SYK: variants seen among roughly 807,000 people sequenced by gnomAD.
SYK encodes the protein tyrosine-protein kinase SYK.
SYK carries 16 observed loss-of-function variants against 77.8 expected under a neutral mutation model. That is an observed-to-expected ratio of 0.21 (90% confidence interval 0.14 to 0.31). SYK has a LOEUF of 0.31. Among genes scored for constraint, SYK ranks in the 10% least tolerant of loss-of-function variants. SYK has a pLI of 1.00. For missense variants in SYK, 529 were observed against 814.4 expected, an observed-to-expected ratio of 0.65 and a Z score of 4.26; for synonymous variants, 312 against 308.7, an observed-to-expected ratio of 1.01 and a Z score of -0.11.
rs1257007691 is a variant in SYK at position 90,865,075 on chromosome 9, A to G, written c.824A>G (p.Gln275Arg). 6.2e-7 allele frequency: 1 copy of G among 1,614,158 alleles called. No homozygotes were observed. Among genetic ancestry groups the G allele is most frequent in the African/African-American group, 1.3e-5 (1 of 75,030 alleles). The part of the protein sequence containing the change: ...QGNVNFGGRP[Q>R]LPGSHPATWS... ...AATGTTAATTTTGGAGGCCGTCCAC[A>G]ACTTCCAGGTTCCCATCCTGCGGTA... Residue 275 changes from glutamine to arginine, a missense_variant, in exon 6 of 14, where the codon CAA (glutamine) becomes CGA (arginine). Physicochemically the swap from Gln to Arg is conservative, Grantham distance 43. Around this residue, in one of 2 missense-constraint regions of SYK, gnomAD observed 321 missense variants for 433.1 expected, o/e 0.74. Transcript: ENST00000375754.
chr9:90,855,689 G>GA (rs1457871853), intron 3 of SYK, among the ~76,000 whole-genome samples: 2 of 138,870 alleles, frequency 1.4e-5, no homozygotes, highest in Admixed American at 7.1e-5. Flanking sequence ...TGTGTGTGTG[G>GA]GTGTGTGTGA....
chr9:90,845,565 G>C lies in SYK; in HGVS notation c.549G>C (p.Leu183=). Residue 183 remains leucine (L), a synonymous_variant, in exon 3 of 14, where the codon CTG becomes CTC. Transcript: ENST00000375754. ...ISREESEQIV[L]IGSKTNGKFL... is the part of the protein sequence containing the mutation. ...GGGAAGAATCTGAGCAAATTGTCCTGATAGGATCAAAGACAAATGGAAAGT... is the reference window on the plus strand; with the variant it reads ...GGGAAGAATCTGAGCAAATTGTCCTCATAGGATCAAAGACAAATGGAAAGT... 6.2e-7 allele frequency: 1 copy of C among 1,614,140 alleles called. No individual in the cohort carries two copies. Among genetic ancestry groups the C allele is most frequent in the Non-Finnish European group, 8.5e-7 (1 of 1,180,002 alleles).
Position 90,862,243 on chromosome 9 carries a change from T to G in SYK, c.616T>G (p.Cys206Gly), listed in dbSNP as rs763405498. ...ARDNNGSYAL[C>G]LLHEGKVLHY... Reference sequence around the variant, plus strand: ...AGACAACAACGGCTCCTACGCCCTGTGCCTGCTGCACGAAGGGAAGGTGCT... The same window carrying G: ...AGACAACAACGGCTCCTACGCCCTGGGCCTGCTGCACGAAGGGAAGGTGCT... Residue 206 changes from cysteine (C) to glycine (G), a missense_variant, in exon 4 of 14, where the codon TGC becomes GGC. By Grantham distance (159) the Cys-to-Gly change is radical (BLOSUM62 -3). Transcript: ENST00000375754. The G allele has an allele frequency of 6.2e-7, 1 of 1,614,018 alleles. No individual in the cohort carries two copies. The highest frequency in any genetic ancestry group is 8.5e-7 in the Non-Finnish European group (1 of 1,179,916).
At chr9:90,861,707 C>T (rs1253457364) in intron 3 of SYK, among the ~76,000 whole-genome samples, 2 of 152,136 alleles carry the variant, frequency 1.3e-5, no homozygotes, top group Non-Finnish European at 2.9e-5. Flanking sequence ...CAGAAGATGG[C>T]TGGTTAAAAT....
intron 7 of SYK, among the ~76,000 whole-genome samples, chr9:90,867,509 A>C (rs184133155): frequency 1.3e-5 from 2 of 152,326 alleles, no homozygotes; most frequent in African/African-American, 4.8e-5. Flanking sequence ...ATCATGTCCG[A>C]AAATCTTTTC....
chr9:90,815,704 A>C (rs1402850410), intron 1 of SYK, among the ~76,000 whole-genome samples: 1 of 152,228 alleles, frequency 6.6e-6, no homozygotes, highest in Non-Finnish European at 1.5e-5. Context: ...TCATTCACTA[A>C]AAATGTTTTC....
intron 7 of SYK, among the ~76,000 whole-genome samples, chr9:90,872,657 A>G (rs1827776372): frequency 6.6e-6 from 1 of 152,226 alleles, no homozygotes; most frequent in Non-Finnish European, 1.5e-5. Context: ...GGAATTATTC[A>G]TTCTTATTTC....
intron 3 of SYK, among the ~76,000 whole-genome samples, chr9:90,856,964 T>G (rs1827060364): frequency 6.6e-6 from 1 of 152,266 alleles, no homozygotes; most frequent in Non-Finnish European, 1.5e-5. Context: ...AGGTGCTCAC[T>G]GGGCTGCTGG....
chr9:90,892,845 GAGAGTCAGGGAGGCTCT>G (rs1401601271), intron 13 of SYK, among the ~76,000 whole-genome samples: 1 of 152,244 alleles, frequency 6.6e-6, no homozygotes, highest in Admixed American at 6.5e-5. Context: ...CAGGTTCTCT[GAGAGTCAGGGAGGCTCT>G]AGATGCGGCT....
Position 90,835,383 on chromosome 9 carries a change from G to A in SYK, c.-41-8475G>A, listed in dbSNP as rs568247551. 2.2e-4 allele frequency among the ~76,000 whole-genome samples: 33 copies of A among 152,316 alleles called. No individual in the cohort carries two copies. In the South Asian group the frequency reaches 4.8e-3, roughly 22 times the overall value. ...CACGGGCCCAGGAAATCTTGGCAGCGTCACTGGGGCCGGTGCACTTTTAAG... is the reference window on the plus strand; with the variant it reads ...CACGGGCCCAGGAAATCTTGGCAGCATCACTGGGGCCGGTGCACTTTTAAG... On this transcript the variant is annotated intron_variant, in intron 1 of 13. Coordinates refer to ENST00000375754, the MANE Select transcript of SYK (RefSeq NM_003177.7).
chr9:90,833,773 T>G (rs1825976048), intron 1 of SYK, among the ~76,000 whole-genome samples: 1 of 152,244 alleles, frequency 6.6e-6, no homozygotes, highest in Non-Finnish European at 1.5e-5. Context: ...GGGCAAAGGT[T>G]GTATAGTCAG....
intron 2 of SYK, 105 bp from the exon 3 acceptor site, chr9:90,845,329 A>T: frequency 8.1e-7 from 1 of 1,238,870 alleles, no homozygotes; most frequent in South Asian, 1.5e-5. Flanking sequence ...ATAAGTTTTG[A>T]TCCTGTTTTA....
At chr9:90,812,778 TGAGA>T (rs58859744) in intron 1 of SYK, among the ~76,000 whole-genome samples, 24,657 of 135,656 alleles carry the variant, frequency 0.18, 2,413 homozygotes, top group East Asian at 0.35. Context: ...TGTGTGTGTG[TGAGA>T]GAGAGAGATT....
At chr9:90,828,519 T>C (rs1473538860) in intron 1 of SYK, among the ~76,000 whole-genome samples, 1 of 152,082 alleles carries the variant, frequency 6.6e-6, no homozygotes, top group Non-Finnish European at 1.5e-5. Flanking sequence ...GAGACATCCT[T>C]GGCCCCACTC....
At chr9:90,837,488 C>G (rs890813301) in intron 1 of SYK, among the ~76,000 whole-genome samples, 12 of 151,990 alleles carry the variant, frequency 7.9e-5, no homozygotes, top group African/African-American at 2.9e-4. Flanking sequence ...GGAAGCCAAG[C>G]AGGAGGCAGG....
intron 1 of SYK, among the ~76,000 whole-genome samples, chr9:90,817,954 A>C (rs1825357868): frequency 6.6e-6 from 1 of 151,984 alleles, no homozygotes; most frequent in Admixed American, 6.6e-5. Flanking sequence ...ATTTCTCCCC[A>C]GTGAGGCTGC....
At chr9:90,862,127 A>T in intron 3 of SYK, 79 bp from the exon 4 acceptor site, 2 of 1,465,846 alleles carry the variant, frequency 1.4e-6, no homozygotes. Context: ...CTGACCATTC[A>T]GGCCAGGGTG....
chr9:90,888,668 G>A, intron 13 of SYK, 41 bp downstream of exon 13: 1 of 1,420,536 alleles, frequency 7.0e-7, no homozygotes, highest in Non-Finnish European at 9.5e-7. Flanking sequence ...CAGATGCTCT[G>A]GAAACAGGTG....
chr9:90,849,342 G>A (rs1327672790), intron 3 of SYK, among the ~76,000 whole-genome samples: 4 of 152,152 alleles, frequency 2.6e-5, no homozygotes, highest in African/African-American at 2.4e-5. Context: ...CCCACCCACC[G>A]TGCTTTTACC....
Sources: allele counts gnomAD v4.1 joint callset (sites outside exome capture counted in the v4.1 genomes callset), GRCh38; gene constraint gnomAD v4.1.1; regional missense constraint gnomAD v4.1.1; transcripts MANE v1.5; gene names NCBI Gene and HGNC (gene_info 2026-07-23, HGNC 2026-07-21).